MOB4: variants seen among roughly 807,000 people sequenced by gnomAD.
MOB4 encodes the protein MOB-like protein phocein.
Under a neutral mutation model 32.2 loss-of-function variants are expected in MOB4, and 4 were observed. The ratio of observed to expected loss-of-function variants is 0.12; its 90% CI spans 0.06 to 0.28. The LOEUF is 0.28. Among genes scored for constraint, MOB4 ranks in the 10% least tolerant of loss-of-function variants. MOB4 has a pLI of 1.00. For synonymous variants in MOB4, 88 were observed against 88.1 expected (o/e 1.00, Z 0.01); for missense variants, 158 against 271.2 (o/e 0.58, Z 2.93).
intron 2 of MOB4, among the ~76,000 whole-genome samples, chr2:197,530,511 T>C (rs1252377466): frequency 6.6e-6 from 1 of 152,154 alleles, no homozygotes; most frequent in African/African-American, 2.4e-5. Context: ...GCAGTCCTCC[T>C]GCCTCAGCCT....
At chr2:197,535,780 A>G (rs1482559731) in intron 3 of MOB4, 150 bp downstream of exon 3, 1 of 798,940 alleles carries the variant, frequency 1.3e-6, no homozygotes, top group African/African-American at 1.8e-5. Flanking sequence ...CAAGGTTCTC[A>G]GCTTTCTTCA....
At chr2:197,529,698 A>G (rs997203787) in intron 2 of MOB4, among the ~76,000 whole-genome samples, 1 of 151,718 alleles carries the variant, frequency 6.6e-6, no homozygotes, top group African/African-American at 2.4e-5. Flanking sequence ...TCTGTCGCCC[A>G]GGCTGGAGTG....
upstream of MOB4, chr2:197,515,830 G>T: frequency 1.9e-6 from 1 of 525,564 alleles, no homozygotes; most frequent in Non-Finnish European, 3.3e-6. Flanking sequence ...CGCAGCCCTC[G>T]CAAAGAGGCT....
Position 197,552,519 on chromosome 2 carries a change from G to T in MOB4, c.*1873G>T, listed in dbSNP as rs1331451639. The T allele has an allele frequency of 6.6e-6, 1 of 152,258 alleles. No homozygotes were observed. The highest frequency in any genetic ancestry group is 1.5e-5 in the Non-Finnish European group (1 of 68,014). 9.4% of individuals were successfully genotyped at this position (152,258 alleles called of 1,614,324 possible). On this transcript the variant is annotated 3_prime_UTR_variant, in exon 8 of 8. Transcript: ENST00000323303. ...AACACATTTTGAATAATATGGCTTA[G>T]TGTTAACGGGGACTTAAATATGATT...
intron 6 of MOB4, among the ~76,000 whole-genome samples, chr2:197,549,817 C>T (rs912623527): frequency 6.9e-6 from 1 of 144,870 alleles, no homozygotes; most frequent in African/African-American, 2.6e-5. Flanking sequence ...TCCCAAAGTG[C>T]TGGGATTACA....
At chr2:197,548,994 C>T (rs1407424411) in intron 6 of MOB4, among the ~76,000 whole-genome samples, 2 of 151,906 alleles carry the variant, frequency 1.3e-5, no homozygotes, top group East Asian at 1.9e-4. Flanking sequence ...TTTGGGAGGC[C>T]GAGGCGTGCG....
At chr2:197,540,926 G>T (rs1239289745) in intron 5 of MOB4, among the ~76,000 whole-genome samples, 2 of 150,320 alleles carry the variant, frequency 1.3e-5, no homozygotes, top group African/African-American at 4.9e-5. Context: ...TTTTGAGATG[G>T]ATTCTTACTC....
At chr2:197,521,347 A>G (rs567585365) in intron 1 of MOB4, among the ~76,000 whole-genome samples, 47 of 152,192 alleles carry the variant, frequency 3.1e-4, no homozygotes, top group Non-Finnish European at 5.9e-4. Context: ...GGTCACAAAG[A>G]TCACGTACTT....
At chr2:197,548,550 A>C (rs1461303442) in intron 6 of MOB4, 135 bp downstream of exon 6, 1 of 529,760 alleles carries the variant, frequency 1.9e-6, no homozygotes, top group East Asian at 3.8e-5. Flanking sequence ...GGTGCAGCAC[A>C]CCAACATGGC....
intron 2 of MOB4, chr2:197,533,759 T>C: frequency 2.3e-6 from 1 of 429,634 alleles, no homozygotes; most frequent in Non-Finnish European, 4.4e-6. Flanking sequence ...ATTTGATCCC[T>C]TTCCCTGTCA....
At chr2:197,523,786 C>G in intron 2 of MOB4, 100 bp downstream of exon 2, 1 of 1,135,322 alleles carries the variant, frequency 8.8e-7, no homozygotes, top group Non-Finnish European at 1.2e-6. Context: ...CAGCAGTCTG[C>G]TTCCCAATAA....
chr2:197,523,338 A>T (rs2106107334), intron 1 of MOB4, among the ~76,000 whole-genome samples: 1 of 152,322 alleles, frequency 6.6e-6, no homozygotes, highest in East Asian at 1.9e-4. Flanking sequence ...AATCCTAAGA[A>T]TAGGGTGGCT....
Position 197,533,556 on chromosome 2 carries a change from C to G in MOB4, c.124-1974C>G, listed in dbSNP as rs145717415. ...CCTTACTAACATGGCGAAACCCTGT[C>G]TCTACAAAAAATACAAAAATTAGCC... On this transcript the variant is annotated intron_variant, in intron 2 of 7. Transcript: ENST00000323303. Among the ~76,000 whole-genome samples, 261 of 152,048 alleles carry G rather than the reference C, an allele frequency of 1.7e-3. 2 individuals are homozygous for G. Among genetic ancestry groups the G allele is most frequent in the African/African-American group, 6.0e-3 (249 of 41,488 alleles).
chr2:197,516,106 C>A lies in MOB4; in HGVS notation c.20C>A (p.Thr7Lys). 1.2e-6 allele frequency: 2 copies of A among 1,602,386 alleles called. No homozygotes were observed. Among genetic ancestry groups the A allele is most frequent in the Non-Finnish European group, 1.7e-6 (2 of 1,175,692 alleles). Residue 7 changes from threonine (T) to lysine (K), a missense_variant, in exon 1 of 8, where the codon ACG becomes AAG. By Grantham distance (78) the Thr-to-Lys change is moderately conservative (BLOSUM62 -1). Around this residue, in one of 6 missense-constraint regions of MOB4, gnomAD observed 41 missense variants for 26.4 expected, o/e 1.55. Coordinates refer to ENST00000323303, the MANE Select transcript of MOB4 (RefSeq NM_015387.5). MVMAEG[T>K]AVLRRNRPGT... Reference sequence around the variant, plus strand: ...GGCACTATGGTCATGGCGGAGGGGACGGCAGTGCTGAGGCGGAACAGGCCG... The same window carrying A: ...GGCACTATGGTCATGGCGGAGGGGAAGGCAGTGCTGAGGCGGAACAGGCCG...
At chr2:197,536,742 C>T (rs973105912) in intron 3 of MOB4, among the ~76,000 whole-genome samples, 11 of 151,686 alleles carry the variant, frequency 7.3e-5, no homozygotes, top group African/African-American at 2.7e-4. Flanking sequence ...GCTGGGACTA[C>T]AGGCGCAGCC....
rs1463401536 is a variant in MOB4, at chr2:197,550,957, C to T, written c.*311C>T. ...TGGATCACAATCCTCATCAGACAAACCCATCTGTAAAAAAAATGAGGGAGA... is the reference window on the plus strand; with the variant it reads ...TGGATCACAATCCTCATCAGACAAATCCATCTGTAAAAAAAATGAGGGAGA... On this transcript the variant is annotated 3_prime_UTR_variant, in exon 8 of 8. Transcript: ENST00000323303. The T allele has an allele frequency of 1.2e-5, 2 of 161,424 alleles. No homozygotes were observed. Among genetic ancestry groups the T allele is most frequent in the East Asian group, 1.7e-4 (1 of 5,782 alleles). 10.0% of individuals were successfully genotyped at this position (161,424 alleles called of 1,614,324 possible).
upstream of MOB4, chr2:197,516,012 G>T (rs1249046689): frequency 2.7e-6 from 4 of 1,470,424 alleles, no homozygotes; most frequent in African/African-American, 4.3e-5. Flanking sequence ...GCAGAGCGCC[G>T]CTCTGCCCCG....
chr2:197,543,030 G>A (rs926004998), intron 5 of MOB4, among the ~76,000 whole-genome samples: 6 of 152,120 alleles, frequency 3.9e-5, no homozygotes, highest in African/African-American at 7.2e-5. Context: ...AGACAGTAAC[G>A]CCTGTAATCC....
chr2:197,521,655 G>A (rs1014288886), intron 1 of MOB4, among the ~76,000 whole-genome samples: 12 of 152,274 alleles, frequency 7.9e-5, no homozygotes, highest in South Asian at 2.1e-4. Context: ...ACCCCCAGGC[G>A]TGTATTCTCT....
Sources: gnomAD v4.1 joint callset for allele counts (sites outside exome capture counted in the v4.1 genomes callset) on GRCh38, gnomAD v4.1.1 for gene constraint, gnomAD v4.1.1 regional missense constraint, MANE v1.5 for transcripts, NCBI Gene and HGNC (gene_info 2026-07-23, HGNC 2026-07-21) for gene names.